Variants in PPP2R2C observed in about 807,000 individuals in gnomAD.
PPP2R2C encodes protein phosphatase 2 regulatory subunit Bgamma, also known as protein phosphatase 2, regulatory subunit B, gamma.
In PPP2R2C, 10 loss-of-function variants were observed where a neutral mutation model predicts 45.3. That is an observed-to-expected ratio of 0.22 (90% CI 0.14 to 0.37). PPP2R2C has a LOEUF of 0.37. Ranked by LOEUF, PPP2R2C falls within the 10% of genes least tolerant of loss-of-function variation. The pLI, the probability that PPP2R2C is intolerant of heterozygous loss-of-function variation, is 1.00. For synonymous variants in PPP2R2C, 257 were observed against 245.4 expected (o/e 1.05, Z -0.44); for missense variants, 308 against 619.7 (o/e 0.50, Z 5.34).
intron 2 of PPP2R2C, among the ~76,000 whole-genome samples, chr4:6,519,106 A>G (rs1251209257): frequency 2.0e-5 from 3 of 152,186 alleles, no homozygotes; most frequent in Non-Finnish European, 4.4e-5. Context: ...TTCAGAAGAC[A>G]GAATGGAGAG....
intron 2 of PPP2R2C, among the ~76,000 whole-genome samples, chr4:6,496,085 C>T (rs1205372955): frequency 6.6e-6 from 1 of 152,174 alleles, no homozygotes; most frequent in East Asian, 1.9e-4. Flanking sequence ...ATGAGAACAC[C>T]AGTCATGGGA....
At position 6,329,231 on chromosome 4, in the gene PPP2R2C, A is replaced by G. The variant is rs774642129; in HGVS notation, c.1052+31T>C. The stretch of plus-strand genomic sequence containing the variant: ...CAGGGCAGAAACCCTCCCTACGGTG[A>G]GGTGAGGTGCGGGCTGAGGTCAGGG... On this transcript the variant is annotated intron_variant, in intron 8 of 8. Coordinates refer to ENST00000382599, the MANE Select transcript of PPP2R2C (RefSeq NM_020416.4). This position sits in a 1 kb window ranked among gnomAD's most constrained non-coding sequence, Gnocchi z 5.8. 2 of 1,593,320 alleles carry G rather than the reference A, an allele frequency of 1.3e-6. No homozygotes were observed. Among genetic ancestry groups the G allele is most frequent in the Admixed American group, 3.3e-5 (2 of 59,902 alleles).
At chr4:6,326,167 T>C (rs938644974) in intron 8 of PPP2R2C, among the ~76,000 whole-genome samples, 2 of 152,108 alleles carry the variant, frequency 1.3e-5, no homozygotes, top group African/African-American at 2.4e-5. Context: ...ACACAGTCCC[T>C]GGGAGGGGTT....
At chr4:6,452,030 C>T (rs1363188492) in intron 1 of PPP2R2C, among the ~76,000 whole-genome samples, 1 of 152,170 alleles carries the variant, frequency 6.6e-6, no homozygotes, top group East Asian at 1.9e-4. Flanking sequence ...CTTCCAACTT[C>T]TCCCAAACCC....
intron 8 of PPP2R2C, among the ~76,000 whole-genome samples, chr4:6,326,292 G>A (rs369107977): frequency 3.9e-4 from 59 of 152,196 alleles, no homozygotes; most frequent in African/African-American, 1.4e-3. Context: ...GAAGCATGGA[G>A]AGAAGAAAAC....
chr4:6,402,506 C>T (rs901104248), intron 1 of PPP2R2C, among the ~76,000 whole-genome samples: 2 of 152,182 alleles, frequency 1.3e-5, no homozygotes, highest in African/African-American at 2.4e-5. Flanking sequence ...TCCTTCTTTC[C>T]TTCTTGCCTT....
chr4:6,454,295 A>C (rs370081847), intron 1 of PPP2R2C, among the ~76,000 whole-genome samples: 2 of 152,280 alleles, frequency 1.3e-5, no homozygotes, highest in East Asian at 3.9e-4. Context: ...GCAAAGGTTG[A>C]GTCCAACTGC....
At position 6,471,999 on chromosome 4, in the gene PPP2R2C, G is replaced by GT. The variant is rs1235818101; in HGVS notation, c.70+160dup. ...CCCTCCCTCCTGGGCCCCGGGCAGG[G>GT]TGGGATGGGATGGGGTGGGGTGGGG... On this transcript the variant is annotated intron_variant, in intron 1 of 8. Transcript: ENST00000382599. This position sits in a 1 kb window ranked among gnomAD's most constrained non-coding sequence, Gnocchi z 5.6. 6.9e-6 allele frequency among the ~76,000 whole-genome samples: 1 copy of GT among 143,906 alleles called. No homozygotes were observed. Among genetic ancestry groups the GT allele is most frequent in the Non-Finnish European group, 1.5e-5 (1 of 65,294 alleles). The allele number at this position is 143,906 out of a possible 152,430, so 94.4% of individuals were successfully genotyped here. A position where few individuals can be genotyped will look rare whatever the true frequency, so the allele number is the denominator to read the frequency against.
At chr4:6,551,024 G>C (rs901526860) in intron 1 of PPP2R2C, among the ~76,000 whole-genome samples, 1 of 152,140 alleles carries the variant, frequency 6.6e-6, no homozygotes, top group Non-Finnish European at 1.5e-5. Context: ...CCTCGCCTCC[G>C]GGGCCATGGA....
At chr4:6,405,436 A>T (rs900301264) in intron 1 of PPP2R2C, among the ~76,000 whole-genome samples, 3 of 152,228 alleles carry the variant, frequency 2.0e-5, no homozygotes, top group African/African-American at 7.2e-5. Context: ...AATGGGGGGA[A>T]GAAGGGATGA....
chr4:6,511,520 TG>T (rs1400286582), intron 2 of PPP2R2C, among the ~76,000 whole-genome samples: 2 of 20,884 alleles, frequency 9.6e-5, no homozygotes, highest in Admixed American at 1.5e-3. Context: ...GTGGTGGTGG[TG>T]GTGATGGTGG....
chr4:6,535,315 C>A, exon 2 of PPP2R2C: 12 of 1,535,400 alleles, frequency 7.8e-6, no homozygotes, highest in Non-Finnish European at 1.0e-5. Context: ...GTCCGCCTCA[C>A]GCATCCTGAG....
intron 1 of PPP2R2C, among the ~76,000 whole-genome samples, chr4:6,449,609 A>C (rs2108744481): frequency 6.6e-6 from 1 of 152,366 alleles, no homozygotes; most frequent in South Asian, 2.1e-4. Flanking sequence ...GGTTGCACAA[A>C]GCAGGCACGA....
intron 1 of PPP2R2C, among the ~76,000 whole-genome samples, chr4:6,551,752 C>G (rs1725192469): frequency 1.3e-5 from 2 of 152,204 alleles, no homozygotes; most frequent in African/African-American, 2.4e-5. Flanking sequence ...ACCAAGGCAC[C>G]ATAAATTACA....
chr4:6,493,677 G>A (rs1436875690), intron 2 of PPP2R2C, among the ~76,000 whole-genome samples: 4 of 151,860 alleles, frequency 2.6e-5, no homozygotes, highest in African/African-American at 7.3e-5. Context: ...CTCCACACCC[G>A]CAGCGGAACA....
At chr4:6,521,970 CAAGGGGGCCCCT>C (rs1353828231) in intron 2 of PPP2R2C, among the ~76,000 whole-genome samples, 4 of 152,156 alleles carry the variant, frequency 2.6e-5, no homozygotes, top group Non-Finnish European at 5.9e-5. Context: ...CCCCAAGAGG[CAAGGGGGCCCCT>C]AAGCCAATGG....
chr4:6,371,926 G>A (rs1026272692), intron 5 of PPP2R2C, among the ~76,000 whole-genome samples: 1 of 152,098 alleles, frequency 6.6e-6, no homozygotes, highest in African/African-American at 2.4e-5. Flanking sequence ...CGCCCTGCCT[G>A]CAGGCTGGTG....
At chr4:6,337,102 ATG>A (rs1158525075) in intron 6 of PPP2R2C, among the ~76,000 whole-genome samples, 1,726 of 36,850 alleles carry the variant, frequency 0.047, 147 homozygotes, top group Middle Eastern at 0.062. Flanking sequence ...TTGTTTCTGT[ATG>A]TGTGTGTGTA....
At chr4:6,381,983 G>A in intron 1 of PPP2R2C, 4 of 1,438,074 alleles carry the variant, frequency 2.8e-6, no homozygotes, top group Non-Finnish European at 2.7e-6. Flanking sequence ...GGAGAGCAGG[G>A]GAGGACAAGG....
Sources: gnomAD v4.1 joint callset for allele counts (sites outside exome capture counted in the v4.1 genomes callset) on GRCh38, gnomAD v4.1.1 for gene constraint, Gnocchi (gnomAD v3.1) non-coding constraint, MANE v1.5 for transcripts, NCBI Gene and HGNC (gene_info 2026-07-23, HGNC 2026-07-21) for gene names.